Variants in CARMIL1 observed in about 807,000 individuals in gnomAD.
The protein encoded by CARMIL1 is capping protein regulator and myosin 1 linker 1, also known as F-actin-uncapping protein LRRC16A.
A neutral mutation model predicts 177.1 loss-of-function variants in CARMIL1; 90 were observed. The ratio of observed to expected loss-of-function variants is 0.51; its 90% CI spans 0.43 to 0.61. The LOEUF is 0.61. Among genes scored for constraint, CARMIL1 ranks in the 20% least tolerant of loss-of-function variants. The pLI, the probability that CARMIL1 is intolerant of heterozygous loss-of-function variation, is 0.00. For synonymous variants in CARMIL1, 577 were observed against 606.2 expected, an observed-to-expected ratio of 0.95 and a Z score of 0.71; for missense variants, 1,380 against 1,667.0, an observed-to-expected ratio of 0.83 and a Z score of 3.00.
intron 2 of CARMIL1, among the ~76,000 whole-genome samples, chr6:25,306,505 A>C (rs910254124): frequency 2.0e-5 from 3 of 151,822 alleles, no homozygotes; most frequent in Non-Finnish European, 2.9e-5. Context: ...CCTCCCCCCC[A>C]CTTTTATTGA....
intron 2 of CARMIL1, among the ~76,000 whole-genome samples, chr6:25,415,110 A>G (rs1795247161): frequency 6.6e-6 from 1 of 152,128 alleles, no homozygotes; most frequent in Non-Finnish European, 1.5e-5. Flanking sequence ...TTTACTCAAA[A>G]GATGAATCCA....
At chr6:25,445,749 G>A (rs184621459) in intron 5 of CARMIL1, among the ~76,000 whole-genome samples, 9 of 151,704 alleles carry the variant, frequency 5.9e-5, no homozygotes, top group East Asian at 1.9e-4. Context: ...CATGTTAGCC[G>A]GGATGGTCTC....
intron 8 of CARMIL1, among the ~76,000 whole-genome samples, chr6:25,459,246 C>CTTTCTTTCTTTCTTTCTTTCTTTCTT (rs1348411242): frequency 9.0e-6 from 1 of 110,960 alleles, no homozygotes; most frequent in Non-Finnish European, 1.8e-5. Flanking sequence ...TTCTTTCTTT[C>CTTTCTTTCTTTCTTTCTTTCTTTCTT]TTTCTTTCTT....
chr6:25,314,232 T>G (rs1410051049), intron 2 of CARMIL1, among the ~76,000 whole-genome samples: 13 of 125,482 alleles, frequency 1.0e-4, no homozygotes, highest in African/African-American at 3.9e-4. Flanking sequence ...CCCAGCACTT[T>G]GGGAGGCCGA....
At position 25,279,711 on chromosome 6, in the gene CARMIL1, TA is replaced by T. The variant is rs1435018831; in HGVS notation, c.-78del. On this transcript the variant is annotated 5_prime_UTR_variant, in exon 1 of 37. Coordinates refer to ENST00000329474, the MANE Select transcript of CARMIL1 (RefSeq NM_017640.6). ...CATTTGCAAGCTGCATCTGCCTCTC[TA>T]AAAAAATTGAGGAGTTCGGGGAAGG... 11 of 1,346,222 alleles carry T rather than the reference TA, an allele frequency of 8.2e-6. No individual in the cohort carries two copies. Among genetic ancestry groups the T allele is most frequent in the South Asian group, 1.2e-5 (1 of 85,668 alleles). The allele number at this position is 1,346,222 out of a possible 1,614,324, so 83.4% of individuals were successfully genotyped here. A position where few individuals can be genotyped will look rare whatever the true frequency, so the allele number is the denominator to read the frequency against.
intron 31 of CARMIL1, among the ~76,000 whole-genome samples, chr6:25,588,859 G>T (rs2151278498): frequency 6.6e-6 from 1 of 152,298 alleles, no homozygotes; most frequent in African/African-American, 2.4e-5. Flanking sequence ...TACCTGATTT[G>T]TCCATGATCA....
intron 2 of CARMIL1, among the ~76,000 whole-genome samples, chr6:25,286,331 A>T (rs1781522815): frequency 6.6e-6 from 1 of 152,226 alleles, no homozygotes; most frequent in Non-Finnish European, 1.5e-5. Flanking sequence ...CTTGTGATGG[A>T]TGACTTCTGT....
intron 9 of CARMIL1, among the ~76,000 whole-genome samples, chr6:25,468,044 G>C (rs1800773355): frequency 1.3e-5 from 2 of 152,142 alleles, no homozygotes; most frequent in South Asian, 4.1e-4. Context: ...GCAAAAATAA[G>C]TGGCTGCTTC....
chr6:25,582,352 TC>T (rs766486073), intron 31 of CARMIL1, among the ~76,000 whole-genome samples: 72 of 152,336 alleles, frequency 4.7e-4, no homozygotes, highest in African/African-American at 1.7e-3. Context: ...CTTTCAGTTT[TC>T]CTGCCAGACC....
At chr6:25,618,404 G>C (rs1186768274) in intron 36 of CARMIL1, among the ~76,000 whole-genome samples, 2 of 152,162 alleles carry the variant, frequency 1.3e-5, no homozygotes, top group Non-Finnish European at 2.9e-5. Context: ...TCTTCCTTCA[G>C]GCTGGCACAA....
Position 25,596,850 on chromosome 6 carries a change from G to GACACACAC in CARMIL1, c.3119+2344_3119+2351dup, listed in dbSNP as rs34651019. Among the ~76,000 whole-genome samples, 1,048 of 149,148 alleles carry GACACACAC rather than the reference G, an allele frequency of 7.0e-3. 4 individuals are homozygous for GACACACAC. The highest frequency in any genetic ancestry group is 0.011 in the Non-Finnish European group (741 of 67,060). On this transcript the variant is annotated intron_variant, in intron 32 of 36. Coordinates refer to ENST00000329474, the MANE Select transcript of CARMIL1 (RefSeq NM_017640.6). ...TGTATACTCTGTCACCAAACACACA[G>GACACACAC]ACACACACACACACACACACACACA...
At chr6:25,373,365 T>G (rs1335969937) in intron 2 of CARMIL1, among the ~76,000 whole-genome samples, 2 of 151,512 alleles carry the variant, frequency 1.3e-5, no homozygotes, top group Non-Finnish European at 2.9e-5. Flanking sequence ...CTGGTACAAT[T>G]CAGCTGTGAA....
chr6:25,551,419 T>C (rs1050497772), intron 27 of CARMIL1, among the ~76,000 whole-genome samples: 6 of 152,200 alleles, frequency 3.9e-5, no homozygotes, highest in African/African-American at 1.2e-4. Context: ...AGCTTGAAGA[T>C]TGAGATCAGT....
intron 12 of CARMIL1, among the ~76,000 whole-genome samples, chr6:25,485,520 C>G (rs1199597522): frequency 3.3e-5 from 5 of 152,184 alleles, no homozygotes; most frequent in Non-Finnish European, 5.9e-5. Flanking sequence ...CTGCAACCTC[C>G]ACCTCCAGGG....
intron 2 of CARMIL1, among the ~76,000 whole-genome samples, chr6:25,314,008 A>G (rs1784061280): frequency 6.6e-6 from 1 of 151,304 alleles, no homozygotes; most frequent in Non-Finnish European, 1.5e-5. Context: ...GTCTTTTTCT[A>G]ATTAAAGTGG....
At chr6:25,567,257 G>A (rs1811636493) in intron 29 of CARMIL1, among the ~76,000 whole-genome samples, 1 of 152,202 alleles carries the variant, frequency 6.6e-6, no homozygotes, top group African/African-American at 2.4e-5. Context: ...TTGCACTGAG[G>A]GCTTACACTG....
intron 26 of CARMIL1, among the ~76,000 whole-genome samples, chr6:25,547,247 A>C (rs945373705): frequency 2.0e-5 from 3 of 152,150 alleles, no homozygotes; most frequent in East Asian, 3.8e-4. Context: ...TTTTTCCTCA[A>C]ATTTATCTGT....
At chr6:25,309,253 C>G (rs893964308) in intron 2 of CARMIL1, among the ~76,000 whole-genome samples, 3 of 151,188 alleles carry the variant, frequency 2.0e-5, no homozygotes, top group Non-Finnish European at 4.4e-5. Context: ...CATCTGTAAT[C>G]CCAGCACTTG....
chr6:25,444,073 G>GA (rs984825378), intron 5 of CARMIL1, among the ~76,000 whole-genome samples: 5 of 152,154 alleles, frequency 3.3e-5, no homozygotes, highest in Non-Finnish European at 5.9e-5. Flanking sequence ...AAAGTGCTGG[G>GA]ATTACAGGCA....
Sources: allele counts gnomAD v4.1 joint callset (sites outside exome capture counted in the v4.1 genomes callset), GRCh38; gene constraint gnomAD v4.1.1; transcripts MANE v1.5; gene names NCBI Gene and HGNC (gene_info 2026-07-23, HGNC 2026-07-21).